Variants in KLRG1 observed in about 807,000 individuals in gnomAD.
The protein encoded by KLRG1 is killer cell lectin-like receptor subfamily G member 1.
In KLRG1, 16 loss-of-function variants were observed where a neutral mutation model predicts 21.8. The ratio of observed to expected loss-of-function variants is 0.73; its 90% CI spans 0.50 to 1.11. The LOEUF is 1.11. Ranked by LOEUF, KLRG1 falls within the 50% of genes most tolerant of loss-of-function variation. KLRG1 has a pLI of 0.00. For missense variants in KLRG1, 173 were observed against 218.3 expected, an observed-to-expected ratio of 0.79 and a Z score of 1.31; for synonymous variants, 69 against 75.9, an observed-to-expected ratio of 0.91 and a Z score of 0.47.
At chr12:9,003,831 C>T (rs953430093) in intron 3 of KLRG1, among the ~76,000 whole-genome samples, 10 of 151,978 alleles carry the variant, frequency 6.6e-5, no homozygotes, top group African/African-American at 2.2e-4. Context: ...TTAGGTATAT[C>T]TCCTAATGCT....
At chr12:9,143,735 G>A in the KLRG1 span, among the ~76,000 whole-genome samples, 10 of 152,140 alleles carry the variant, frequency 6.6e-5, no homozygotes, top group African/African-American at 1.9e-4. Context: ...ACTGGGGCCC[G>A]GCCACGTTGC....
chr12:8,976,199 A>G (rs922776560), intron 1 of KLRG1, among the ~76,000 whole-genome samples: 10 of 152,220 alleles, frequency 6.6e-5, no homozygotes, highest in South Asian at 4.1e-4. Flanking sequence ...TAAAATTTCC[A>G]TGTGATTTCT....
chr12:9,075,670 T>C, the KLRG1 span, among the ~76,000 whole-genome samples: 1 of 152,106 alleles, frequency 6.6e-6, no homozygotes, highest in African/African-American at 2.4e-5. Context: ...AAGAGAGAAA[T>C]AAAAATCTTG....
the KLRG1 span, chr12:9,109,193 G>A: frequency 1.5e-6 from 1 of 651,598 alleles, no homozygotes; most frequent in African/African-American, 1.8e-5. Context: ...TTCTACAGAT[G>A]AGGATGCTGT....
the KLRG1 span, chr12:9,152,732 C>CTA: frequency 7.5e-7 from 1 of 1,329,412 alleles, no homozygotes; most frequent in Non-Finnish European, 1.0e-6. Flanking sequence ...TTATATTAAT[C>CTA]TAATAACATA....
upstream of KLRG1, among the ~76,000 whole-genome samples, chr12:8,985,688 G>A (rs1427879420): frequency 6.6e-6 from 1 of 152,192 alleles, no homozygotes; most frequent in African/African-American, 2.4e-5. Context: ...AAAAGATACA[G>A]ATGAAGAGAA....
rs146059066 is a variant in KLRG1 at position 9,009,919 on chromosome 12, C to T, written c.*382C>T. The T allele has an allele frequency of 2.7e-4, 416 of 1,519,906 alleles. 3 individuals carry two copies. The East Asian group carries it at 9.5e-3, about 35-fold the overall frequency. 94.2% of individuals were successfully genotyped at this position (1,519,906 alleles called of 1,614,324 possible). On this transcript the variant is annotated 3_prime_UTR_variant, in exon 5 of 5. Transcript: ENST00000356986. The stretch of plus-strand genomic sequence containing the variant: ...AAATCTATGCCAATATATACTATTG[C>T]TTGTGTACTAGAGAAGTACATTATT...
chr12:9,128,414 T>A, the KLRG1 span: 1 of 153,958 alleles, frequency 6.5e-6, no homozygotes, highest in African/African-American at 2.4e-5. Flanking sequence ...TGAGCTGCAG[T>A]CGCAGCTCAG....
chr12:8,975,656 C>T (rs1946646519), intron 1 of KLRG1, among the ~76,000 whole-genome samples: 1 of 152,026 alleles, frequency 6.6e-6, no homozygotes, highest in Non-Finnish European at 1.5e-5. Flanking sequence ...CTTGACTTCC[C>T]AGGCTCAAGT....
chr12:9,007,352 C>A (rs1565554027), intron 3 of KLRG1, among the ~76,000 whole-genome samples: 1 of 152,168 alleles, frequency 6.6e-6, no homozygotes, highest in Admixed American at 6.5e-5. Flanking sequence ...TCTCTGCCTC[C>A]TGGGTTCAAG....
the KLRG1 span, among the ~76,000 whole-genome samples, chr12:9,097,489 T>G: frequency 5.3e-5 from 8 of 152,206 alleles, no homozygotes; most frequent in Non-Finnish European, 7.3e-5. Flanking sequence ...TTCTATTAGC[T>G]CCATATTTTC....
At chr12:8,973,603 A>C (rs1463379664) in intron 1 of KLRG1, among the ~76,000 whole-genome samples, 1 of 152,202 alleles carries the variant, frequency 6.6e-6, no homozygotes, top group African/African-American at 2.4e-5. Flanking sequence ...ACCCAGTCTT[A>C]GGTATTTTGT....
the KLRG1 span, among the ~76,000 whole-genome samples, chr12:9,198,802 A>T: frequency 2.6e-5 from 4 of 152,232 alleles, no homozygotes; most frequent in Non-Finnish European, 4.4e-5. Flanking sequence ...CTTCTCCAAC[A>T]TATAGATATC....
At chr12:9,151,030 G>A in the KLRG1 span, among the ~76,000 whole-genome samples, 1 of 152,146 alleles carries the variant, frequency 6.6e-6, no homozygotes, top group African/African-American at 2.4e-5. Context: ...TTCTAAGCTG[G>A]AGAAACATGG....
chr12:9,067,886 T>C, the KLRG1 span: 5 of 1,576,576 alleles, frequency 3.2e-6, no homozygotes, highest in Non-Finnish European at 4.3e-6. Flanking sequence ...TGGGTCTCCA[T>C]GAGCAGAGAG....
the KLRG1 span, among the ~76,000 whole-genome samples, chr12:9,075,471 C>A: frequency 2.0e-5 from 3 of 152,086 alleles, no homozygotes; most frequent in African/African-American, 7.2e-5. Context: ...AGGAGAAACT[C>A]GATGTGTAAA....
At chr12:9,029,405 AG>A in the KLRG1 span, among the ~76,000 whole-genome samples, 2 of 152,054 alleles carry the variant, frequency 1.3e-5, no homozygotes, top group East Asian at 2.0e-4. Flanking sequence ...TAGTAGAGAC[AG>A]GGTTTCACCA....
At chr12:8,995,013 G>A in intron 2 of KLRG1, 106 bp from the exon 3 acceptor site, 1 of 942,962 alleles carries the variant, frequency 1.1e-6, no homozygotes, top group Admixed American at 2.9e-5. Flanking sequence ...CTGAAAAGTG[G>A]TGGAGCAGGG....
chr12:9,008,863 A>G, intron 3 of KLRG1, 112 bp from the exon 4 acceptor site: 1 of 686,672 alleles, frequency 1.5e-6, no homozygotes, highest in Non-Finnish European at 2.5e-6. Flanking sequence ...AAGGAATGCT[A>G]GTTTGTCTTT....
Sources: gnomAD v4.1 joint callset for allele counts (sites outside exome capture counted in the v4.1 genomes callset) on GRCh38, gnomAD v4.1.1 for gene constraint, MANE v1.5 for transcripts, NCBI Gene and HGNC (gene_info 2026-07-23, HGNC 2026-07-21) for gene names.